Variants in KCNIP4 observed in about 807,000 individuals in gnomAD.
KCNIP4 encodes the protein potassium voltage-gated channel interacting protein 4.
A neutral mutation model predicts 34.0 loss-of-function variants in KCNIP4; 12 were observed. The ratio of observed to expected loss-of-function variants is 0.35; its 90% CI spans 0.23 to 0.57. The LOEUF (loss-of-function observed/expected upper bound fraction) is 0.57. Ranked by LOEUF, KCNIP4 falls within the 20% of genes least tolerant of loss-of-function variation. The pLI is 0.83. For synonymous variants in KCNIP4, 124 were observed against 102.2 expected, an observed-to-expected ratio of 1.21 and a Z score of -1.29; for missense variants, 238 against 311.7, an observed-to-expected ratio of 0.76 and a Z score of 1.78.
At chr4:21,833,427 T>G (rs1723118085) in intron 1 of KCNIP4, among the ~76,000 whole-genome samples, 2 of 152,068 alleles carry the variant, frequency 1.3e-5, no homozygotes, top group South Asian at 4.1e-4. Context: ...TGCCCACTTT[T>G]TGATGGGGTT....
intron 1 of KCNIP4, among the ~76,000 whole-genome samples, chr4:21,480,244 C>G (rs1731312771): frequency 6.6e-6 from 1 of 151,864 alleles, no homozygotes; most frequent in East Asian, 1.9e-4. Flanking sequence ...CATTATTGAA[C>G]AAACAGAAAG....
intron 5 of KCNIP4, among the ~76,000 whole-genome samples, chr4:20,738,793 C>T (rs917916521): frequency 7.2e-5 from 11 of 152,206 alleles, no homozygotes; most frequent in African/African-American, 1.2e-4. Context: ...GGTGGGGCAT[C>T]GCCTCACCCA....
chr4:21,812,315 A>T (rs1460592164), intron 1 of KCNIP4, among the ~76,000 whole-genome samples: 1 of 152,198 alleles, frequency 6.6e-6, no homozygotes, highest in East Asian at 1.9e-4. Flanking sequence ...TTGCTCTTTT[A>T]TAATACCCTC....
intron 1 of KCNIP4, among the ~76,000 whole-genome samples, chr4:21,760,392 A>G (rs1717967649): frequency 6.6e-6 from 1 of 152,160 alleles, no homozygotes; most frequent in Admixed American, 6.6e-5. Flanking sequence ...TCATGCTGCT[A>G]ATTATTAACA....
chr4:21,353,941 G>C (rs1016623869), intron 1 of KCNIP4, among the ~76,000 whole-genome samples: 4 of 152,212 alleles, frequency 2.6e-5, no homozygotes, highest in Non-Finnish European at 5.9e-5. Context: ...TAGACTAACA[G>C]TGGATCTCTT....
chr4:21,707,783 A>G (rs923235012), intron 1 of KCNIP4, among the ~76,000 whole-genome samples: 1 of 152,086 alleles, frequency 6.6e-6, no homozygotes, highest in Non-Finnish European at 1.5e-5. Flanking sequence ...CAGGACTTCA[A>G]AAAAGGAAAG....
rs1383447280 is a variant in KCNIP4, at chr4:21,779,121, GA to G, written c.61+169449del. Among the ~76,000 whole-genome samples the G allele has an allele frequency of 8.0e-5, 12 of 150,104 alleles. No individual in the cohort carries two copies. In the South Asian group the frequency reaches 1.5e-3, roughly 18 times the overall value. Reference sequence around the variant, plus strand: ...CTACCATAAGGGATTCCACTGTGATGAAAAAAAAAGTATCTTGTTTCCTCAG... The same window carrying G: ...CTACCATAAGGGATTCCACTGTGATGAAAAAAAAGTATCTTGTTTCCTCAG... On this transcript the variant is annotated intron_variant, in intron 1 of 8. Transcript: ENST00000382152.
chr4:21,209,163 G>A (rs1320120228), intron 1 of KCNIP4, among the ~76,000 whole-genome samples: 1 of 152,072 alleles, frequency 6.6e-6, no homozygotes, highest in African/African-American at 2.4e-5. Context: ...CATATTTATA[G>A]GGTACATAGT....
At chr4:21,593,207 A>C (rs1307853065) in intron 1 of KCNIP4, among the ~76,000 whole-genome samples, 1 of 151,928 alleles carries the variant, frequency 6.6e-6, no homozygotes, top group Non-Finnish European at 1.5e-5. Context: ...CAAGGAGCAG[A>C]GTGTTTGTGT....
At chr4:21,770,193 T>A (rs1232446091) in intron 1 of KCNIP4, among the ~76,000 whole-genome samples, 1 of 152,018 alleles carries the variant, frequency 6.6e-6, no homozygotes. Flanking sequence ...ATGTTCGACA[T>A]CCACTTATGA....
chr4:20,948,039 G>A lies in KCNIP4; in HGVS notation c.62-65330C>T, dbSNP rs536793990. On this transcript the variant is annotated intron_variant, in intron 1 of 8. Transcript: ENST00000382152. ...TCCAGGGTTGCCATGGAAAGCCAAC[G>A]AGGGGATACAGTCAGTGCTGTGAAA... is the stretch of plus-strand genomic sequence containing the variant. Among the ~76,000 whole-genome samples the A allele has an allele frequency of 7.2e-5, 11 of 152,326 alleles. No individual in the cohort carries two copies. The South Asian group carries it at 1.0e-3, about 14-fold the overall frequency.
chr4:20,800,269 A>G (rs1714059560), intron 3 of KCNIP4, among the ~76,000 whole-genome samples: 1 of 152,214 alleles, frequency 6.6e-6, no homozygotes, highest in South Asian at 2.1e-4. Context: ...CAGTACCCTC[A>G]GGCCCACCTT....
chr4:21,810,960 C>A (rs1391398861), intron 1 of KCNIP4, among the ~76,000 whole-genome samples: 1 of 152,022 alleles, frequency 6.6e-6, no homozygotes, highest in East Asian at 1.9e-4. Flanking sequence ...CTTTTAATAC[C>A]AACAATTAAG....
At chr4:21,689,956 T>A (rs1424733445) in intron 1 of KCNIP4, among the ~76,000 whole-genome samples, 1 of 151,968 alleles carries the variant, frequency 6.6e-6, no homozygotes, top group Admixed American at 6.6e-5. Context: ...AAAGAACACC[T>A]TGAGACATCC....
chr4:21,714,804 A>T (rs1207198513), intron 1 of KCNIP4, among the ~76,000 whole-genome samples: 4 of 316 alleles, frequency 0.013, 1 homozygote, highest in Non-Finnish European at 0.02. Context: ...ATTTTATTTT[A>T]TTTTATTTTA....
intron 1 of KCNIP4, among the ~76,000 whole-genome samples, chr4:20,975,689 A>G (rs1424519021): frequency 2.0e-5 from 3 of 152,190 alleles, no homozygotes; most frequent in Non-Finnish European, 2.9e-5. Flanking sequence ...TCCAAAAAAC[A>G]ATAAGTCATC....
At chr4:21,099,997 C>A (rs1271549537) in intron 1 of KCNIP4, among the ~76,000 whole-genome samples, 1 of 152,112 alleles carries the variant, frequency 6.6e-6, no homozygotes, top group African/African-American at 2.4e-5. Flanking sequence ...GAAGTTTCTT[C>A]TTCTGGATGA....
intron 1 of KCNIP4, among the ~76,000 whole-genome samples, chr4:21,935,226 G>T (rs1454739857): frequency 6.6e-6 from 1 of 151,974 alleles, no homozygotes; most frequent in East Asian, 1.9e-4. Flanking sequence ...CCTACTTAAT[G>T]CCTCGACAAC....
intron 1 of KCNIP4, among the ~76,000 whole-genome samples, chr4:21,299,075 G>A (rs57300835): frequency 0.029 from 4,466 of 152,070 alleles, 128 homozygotes; most frequent in East Asian, 0.096. Context: ...TATCTAAAGC[G>A]TAAGTGATTA....
Sources: gnomAD v4.1 joint callset for allele counts (sites outside exome capture counted in the v4.1 genomes callset) on GRCh38, gnomAD v4.1.1 for gene constraint, MANE v1.5 for transcripts, NCBI Gene and HGNC (gene_info 2026-07-23, HGNC 2026-07-21) for gene names.